Variants in CD99 observed in about 807,000 individuals in gnomAD.
CD99 encodes the protein CD99 molecule (Xg blood group).
A neutral mutation model predicts 28.4 loss-of-function variants in CD99; 19 were observed. The observed-to-expected ratio is 0.67, with a 90% CI of 0.47 to 0.98. The LOEUF (loss-of-function observed/expected upper bound fraction) is 0.98, where lower values mean the gene tolerates loss of function less well. Ranked by LOEUF, CD99 falls within the 50% of genes least tolerant of loss-of-function variation. CD99 has a pLI of 0.00. For missense variants in CD99, 283 were observed against 248.8 expected (o/e 1.14, Z -0.92); for synonymous variants, 103 against 92.1 (o/e 1.12, Z -0.67).
At chrX:2,737,859 C>A (rs749702092) in intron 8 of CD99, 9 of 466,994 alleles carry the variant, frequency 1.9e-5, no homozygotes, top group South Asian at 1.7e-4. Flanking sequence ...CACAGATGCA[C>A]GTACTTTTTT....
At chrX:2,724,474 T>C (rs1198376613) in intron 7 of CD99, among the ~76,000 whole-genome samples, 1 of 152,182 alleles carries the variant, frequency 6.6e-6, no homozygotes, top group African/African-American at 2.4e-5. Flanking sequence ...TTGGAATGAA[T>C]AATCTCTTCA....
chrX:2,707,900 G>A (rs1241815420), intron 1 of CD99, among the ~76,000 whole-genome samples: 4 of 152,120 alleles, frequency 2.6e-5, no homozygotes, highest in African/African-American at 7.2e-5. Context: ...CTGTGAGCCC[G>A]CAATTTCCTG....
At chrX:2,695,259 G>A (rs899626802) in intron 1 of CD99, among the ~76,000 whole-genome samples, 13 of 152,024 alleles carry the variant, frequency 8.6e-5, no homozygotes, top group African/African-American at 3.1e-4. Flanking sequence ...AGGCTGGAGT[G>A]AAGTGGCACG....
intron 1 of CD99, among the ~76,000 whole-genome samples, chrX:2,704,138 C>T (rs1455382369): frequency 2.6e-5 from 4 of 152,174 alleles, no homozygotes; most frequent in South Asian, 2.1e-4. Flanking sequence ...TGAGAACTGC[C>T]GGTGTGAGGC....
At position 2,732,869 on chromosome X, in the gene CD99, T is replaced by C. The variant is rs111065328; in HGVS notation, c.476-5331T>C. 6.2e-4 allele frequency among the ~76,000 whole-genome samples: 86 copies of C among 139,266 alleles called. 1 individual carries two copies. The highest frequency in any genetic ancestry group is 1.9e-3 in the Admixed American group (27 of 14,440). 91.4% of individuals were successfully genotyped at this position (139,266 alleles called of 152,430 possible). A position where few individuals can be genotyped will look rare whatever the true frequency, so the allele number is the denominator to read the frequency against. ...CTCTCCTGTTCTTACATGCCTCTTT[T>C]CTTCCTTCCTTCTTTCTTCTCTCCC... On this transcript the variant is annotated intron_variant, in intron 8 of 9. Transcript: ENST00000381192.
chrX:2,713,370 C>G (rs771050313), intron 1 of CD99, among the ~76,000 whole-genome samples: 1 of 149,224 alleles, frequency 6.7e-6, no homozygotes, highest in African/African-American at 2.5e-5. Flanking sequence ...ACACAAAACA[C>G]GCCTACACAT....
At chrX:2,719,556 A>T in intron 3 of CD99, 105 bp from the exon 4 acceptor site, 1 of 905,866 alleles carries the variant, frequency 1.1e-6, no homozygotes, top group Admixed American at 1.8e-5. Flanking sequence ...TCAGAAAAGT[A>T]TTTAGGAATG....
intron 1 of CD99, among the ~76,000 whole-genome samples, chrX:2,710,192 G>A (rs1203853065): frequency 6.6e-6 from 1 of 152,028 alleles, no homozygotes; most frequent in East Asian, 1.9e-4. Flanking sequence ...TTACCACTGT[G>A]TTCCGGCCGT....
chrX:2,732,938 T>C (rs55841007), intron 8 of CD99, among the ~76,000 whole-genome samples: 10,981 of 138,860 alleles, frequency 0.079, 588 homozygotes, highest in Non-Finnish European at 0.12. Flanking sequence ...TCCTTCCCTC[T>C]CTCCTTCCCT....
chrX:2,738,353 A>G, intron 9 of CD99, 97 bp downstream of exon 9: 1 of 1,212,100 alleles, frequency 8.3e-7, no homozygotes, highest in Non-Finnish European at 1.2e-6. Context: ...TCACATTCTC[A>G]AATTTGGTTG....
chrX:2,712,725 C>T (rs937539047), intron 1 of CD99, among the ~76,000 whole-genome samples: 1 of 152,074 alleles, frequency 6.6e-6, no homozygotes, highest in Admixed American at 6.6e-5. Context: ...AGCGTTTTGT[C>T]TACTTTCTAC....
At chrX:2,711,439 G>A (rs1336979686) in intron 1 of CD99, among the ~76,000 whole-genome samples, 1 of 122,728 alleles carries the variant, frequency 8.1e-6, no homozygotes, top group African/African-American at 4.0e-5. Context: ...ATGTGTATGT[G>A]TGTATATATA....
chrX:2,732,509 CT>C (rs2049677397), intron 8 of CD99, among the ~76,000 whole-genome samples: 1 of 150,768 alleles, frequency 6.6e-6, no homozygotes, highest in Admixed American at 6.6e-5. Context: ...CTCCCTCCTT[CT>C]TTTCTCTCTT....
At chrX:2,691,766 C>T (rs1176357227) in intron 1 of CD99, 16 of 760,436 alleles carry the variant, frequency 2.1e-5, no homozygotes, top group Non-Finnish European at 3.9e-5. Flanking sequence ...GCCCCTCACC[C>T]CACCCCGTTA....
At chrX:2,718,358 G>GTTCT (rs1180855887) in intron 3 of CD99, among the ~76,000 whole-genome samples, 4 of 149,476 alleles carry the variant, frequency 2.7e-5, no homozygotes, top group Non-Finnish European at 3.0e-5. Flanking sequence ...AGTGCTTGCT[G>GTTCT]TTCTTTCTTT....
intron 1 of CD99, among the ~76,000 whole-genome samples, chrX:2,711,037 A>C (rs812201): frequency 6.7e-6 from 1 of 149,564 alleles, no homozygotes; most frequent in East Asian, 2.0e-4. Context: ...CGCCTGGCCA[A>C]TTTTTTTGTA....
chrX:2,733,368 C>T, intron 8 of CD99: 4 of 1,592,002 alleles, frequency 2.5e-6, no homozygotes, highest in Non-Finnish European at 3.4e-6. Context: ...TGGCTGAAGA[C>T]CTAGGGGTGA....
intron 8 of CD99, among the ~76,000 whole-genome samples, chrX:2,729,951 A>G (rs2049504133): frequency 1.3e-5 from 2 of 151,826 alleles, no homozygotes; most frequent in Non-Finnish European, 2.9e-5. Flanking sequence ...CCAGGAGTTC[A>G]AGATCAGCCT....
intron 6 of CD99, 102 bp from the exon 7 acceptor site, chrX:2,723,212 G>T: frequency 8.6e-7 from 1 of 1,167,566 alleles, no homozygotes; most frequent in South Asian, 1.2e-5. Flanking sequence ...ATGTACCCCC[G>T]TAGAGTGTAA....
Sources: gnomAD v4.1 joint callset for allele counts (sites outside exome capture counted in the v4.1 genomes callset) on GRCh38, gnomAD v4.1.1 for gene constraint, MANE v1.5 for transcripts, NCBI Gene and HGNC (gene_info 2026-07-23, HGNC 2026-07-21) for gene names.